DPH1: variants seen among roughly 807,000 people sequenced by gnomAD.
The protein encoded by DPH1 is diphthamide biosynthesis 1.
DPH1 carries 59 observed loss-of-function variants against 55.3 expected under a neutral mutation model. The observed-to-expected ratio is 1.07, with a 90% CI of 0.87 to 1.33. The LOEUF (loss-of-function observed/expected upper bound fraction) is 1.33, where lower values mean the gene tolerates loss of function less well. Among genes scored for constraint, DPH1 ranks in the 40% most tolerant of loss-of-function variants. The pLI, the probability that DPH1 is intolerant of heterozygous loss-of-function variation, is 0.00. For missense variants in DPH1, 628 were observed against 584.8 expected (o/e 1.07, Z -0.76); for synonymous variants, 238 against 235.5 (o/e 1.01, Z -0.10).
At chr17:2,039,711 TCTG>T in intron 6 of DPH1, 41 bp from the exon 7 acceptor site, 1 of 1,613,484 alleles carries the variant, frequency 6.2e-7, no homozygotes, top group South Asian at 1.1e-5. Context: ...GAGTGCCTCT[TCTG>T]CTGCCCTAAA....
rs199982638 is a variant in DPH1, at chr17:2,040,312, G to T, written c.844G>T (p.Ala282Ser). ...RQEAIATARS[A>S]KSWGLILGTL... Reference sequence around the variant, plus strand: ...AGAAGCCATAGCCACTGCCCGCTCAGCTAAGTCCTGGGGCCTTATTCTGGG... The same window carrying T: ...AGAAGCCATAGCCACTGCCCGCTCATCTAAGTCCTGGGGCCTTATTCTGGG... Residue 282 changes from alanine (A) to serine (S), a missense_variant, in exon 8 of 13, where the codon GCT becomes TCT. Coordinates refer to ENST00000263083, the MANE Select transcript of DPH1 (RefSeq NM_001383.6). The T allele has an allele frequency of 4.1e-5, 66 of 1,614,102 alleles. No individual in the cohort carries two copies. In the East Asian group the frequency reaches 1.3e-3, roughly 33 times the overall value.
At chr17:2,038,031 C>T (rs1218033771) in intron 6 of DPH1, among the ~76,000 whole-genome samples, 3 of 151,800 alleles carry the variant, frequency 2.0e-5, no homozygotes, top group South Asian at 2.1e-4. Flanking sequence ...AGCTGTTGGC[C>T]GGGCACAGTG....
intron 6 of DPH1, chr17:2,038,827 G>A (rs1029162030): frequency 6.6e-6 from 1 of 152,156 alleles, no homozygotes; most frequent in Non-Finnish European, 1.5e-5. Flanking sequence ...TCCAAATGAG[G>A]ATCTCTAGAA....
At chr17:2,040,946 T>C in intron 9 of DPH1, 157 bp from the exon 10 acceptor site, 1 of 754,214 alleles carries the variant, frequency 1.3e-6, no homozygotes, top group Non-Finnish European at 2.2e-6. Flanking sequence ...CACGCAACAA[T>C]ACAGTATTCC....
At chr17:2,033,882 TC>T in intron 3 of DPH1, 40 bp downstream of exon 3, 1 of 1,610,526 alleles carries the variant, frequency 6.2e-7, no homozygotes. Flanking sequence ...GAGCCAGGCT[TC>T]CCCCACCCCC....
chr17:2,037,575 G>A (rs888023972), intron 6 of DPH1, among the ~76,000 whole-genome samples: 6 of 152,164 alleles, frequency 3.9e-5, no homozygotes, highest in Admixed American at 2.6e-4. Context: ...CCTGCTCCCC[G>A]AGCAGCACTG....
rs756128712 is a variant in DPH1, at chr17:2,033,836, TG to T, written c.274del (p.Glu92LysfsTer8). 6.4e-5 allele frequency: 104 copies of T among 1,614,136 alleles called. No individual in the cohort carries two copies. In the East Asian group the frequency reaches 2.3e-3, roughly 36 times the overall value. ...LLFACTIVDI[L>X]ERFTEAEVMV... is the part of the protein sequence containing the mutation. ...TTTGCCTGTACCATTGTGGATATCT[TG>T]GAAAGGTGAGGCTTGGGGCACTGGA... On this transcript the variant is annotated frameshift_variant, in exon 3 of 13. Transcript: ENST00000263083. LOFTEE classifies it high-confidence loss of function.
intron 12 of DPH1, 180 bp from the exon 13 acceptor site, chr17:2,042,397 GTCCTCCCAGGCTTCCGCCTTCACCGTCT>G: frequency 7.9e-7 from 1 of 1,269,494 alleles, no homozygotes; most frequent in Non-Finnish European, 1.0e-6. Flanking sequence ...ACTGCAGCCT[GTCCTCCCAGGCTTCCGCCTTCACCGTCT>G]TCCTCCGCTG....
At chr17:2,030,472 G>A (rs575648592) in intron 1 of DPH1, among the ~76,000 whole-genome samples, 1 of 152,334 alleles carries the variant, frequency 6.6e-6, no homozygotes, top group African/African-American at 2.4e-5. Context: ...GGAAACTACA[G>A]CCTTGTCTTG....
In DPH1 at chr17:2,043,018, C is replaced by G; in HGVS notation, c.*432C>G. 5.0e-6 allele frequency: 8 copies of G among 1,614,090 alleles called. No homozygotes were observed. Among genetic ancestry groups the G allele is most frequent in the Non-Finnish European group, 6.8e-6 (8 of 1,180,036 alleles). ...CAGCCAATTTCCCGGAGCCATCACC[C>G]TCACCCACTCTGGTGGCCACTTCAT... On this transcript the variant is annotated 3_prime_UTR_variant, in exon 13 of 13. Transcript: ENST00000263083.
intron 1 of DPH1, 162 bp from the exon 2 acceptor site, chr17:2,033,343 A>G: frequency 2.1e-6 from 2 of 947,744 alleles, no homozygotes; most frequent in Non-Finnish European, 3.1e-6. Flanking sequence ...TGCTGGTTGT[A>G]GGGCTAGCTA....
At position 2,037,398 on chromosome 17, in the gene DPH1, G is replaced by A. The variant is rs564996217; in HGVS notation, c.680+442G>A. The A allele has an allele frequency of 5.1e-5, 8 of 158,064 alleles. No homozygotes were observed. In the South Asian group the frequency reaches 9.5e-4, roughly 19 times the overall value. 9.8% of individuals were successfully genotyped at this position (158,064 alleles called of 1,614,324 possible). On this transcript the variant is annotated intron_variant, in intron 6 of 12. Coordinates refer to ENST00000263083, the MANE Select transcript of DPH1 (RefSeq NM_001383.6). ...CAGCCTGAGAGCCGACGGCTCCCCC[G>A]ACTGGGACTAGGGAAGGGAGTCCCG...
At chr17:2,040,905 G>A (rs946764489) in intron 9 of DPH1, 198 bp from the exon 10 acceptor site, 6 of 662,930 alleles carry the variant, frequency 9.1e-6, no homozygotes, top group African/African-American at 9.0e-5. Context: ...GCCCTGGAAA[G>A]CTCATTGTCG....
intron 1 of DPH1, among the ~76,000 whole-genome samples, chr17:2,032,974 C>T (rs576824643): frequency 2.6e-5 from 4 of 152,292 alleles, no homozygotes; most frequent in Admixed American, 6.5e-5. Flanking sequence ...TCTCGTGATC[C>T]GCCCGCCTCA....
intron 1 of DPH1, among the ~76,000 whole-genome samples, chr17:2,032,038 A>C (rs1211011970): frequency 6.6e-6 from 1 of 152,148 alleles, no homozygotes; most frequent in East Asian, 1.9e-4. Flanking sequence ...TAAATGTATG[A>C]TGTTTATTTC....
Position 2,042,847 on chromosome 17 carries a change from C to CG in DPH1, c.*263dup. 6.2e-7 allele frequency: 1 copy of CG among 1,614,154 alleles called. No individual in the cohort carries two copies. Among genetic ancestry groups the CG allele is most frequent in the Non-Finnish European group, 8.5e-7 (1 of 1,180,040 alleles). ...AGGCGATCCCCGCTTCCCCTTGCCA[C>CG]GGTTTATCCTCTTGGTGTCTGGTTT... is the stretch of plus-strand genomic sequence containing the variant. On this transcript the variant is annotated 3_prime_UTR_variant, in exon 13 of 13. Coordinates refer to ENST00000263083, the MANE Select transcript of DPH1 (RefSeq NM_001383.6).
intron 1 of DPH1, among the ~76,000 whole-genome samples, chr17:2,031,541 AACAG>A (rs1488131649): frequency 3.5e-5 from 5 of 143,758 alleles, no homozygotes; most frequent in African/African-American, 5.2e-5. Context: ...CAGCCTGGCC[AACAG>A]ACAGAGTGAG....
chr17:2,040,144 TGA>T (rs1369578534), intron 7 of DPH1, 72 bp from the exon 8 acceptor site: 10 of 1,577,894 alleles, frequency 6.3e-6, no homozygotes, highest in Non-Finnish European at 8.6e-6. Context: ...CCCACGGGGC[TGA>T]GTCAGGAGCT....
Position 2,032,782 on chromosome 17 carries a change from T to C in DPH1, c.62-723T>C, listed in dbSNP as rs904495448. ...TTTTTGAGATGGTGTCTCGCTCTGT[T>C]GCCCAGGCTGGAGTGCAGCGGCGTG... On this transcript the variant is annotated intron_variant, in intron 1 of 12. Coordinates refer to ENST00000263083, the MANE Select transcript of DPH1 (RefSeq NM_001383.6). Among the ~76,000 whole-genome samples, 16 of 152,230 alleles carry C rather than the reference T, an allele frequency of 1.1e-4. No individual in the cohort carries two copies. The East Asian group carries it at 1.5e-3, about 15-fold the overall frequency.
Sources: allele counts gnomAD v4.1 joint callset (sites outside exome capture counted in the v4.1 genomes callset), GRCh38; gene constraint gnomAD v4.1.1; transcripts MANE v1.5; gene names NCBI Gene and HGNC (gene_info 2026-07-23, HGNC 2026-07-21).